Variants in GLB1L2 observed in about 807,000 individuals in gnomAD.
The protein encoded by GLB1L2 is beta-galactosidase-1-like protein 2.
A neutral mutation model predicts 84.1 loss-of-function variants in GLB1L2; 68 were observed. The ratio of observed to expected loss-of-function variants is 0.81; its 90% CI spans 0.67 to 0.99. The LOEUF (loss-of-function observed/expected upper bound fraction) is 0.99, where lower values mean the gene tolerates loss of function less well. Among genes scored for constraint, GLB1L2 ranks in the 50% least tolerant of loss-of-function variants. GLB1L2 has a pLI of 0.00. For synonymous variants in GLB1L2, 290 were observed against 318.0 expected (o/e 0.91, Z 0.94); for missense variants, 762 against 805.6 (o/e 0.95, Z 0.66).
rs925872027 is a variant in GLB1L2, at chr11:134,375,642, C to G, written c.*584C>G. On this transcript the variant is annotated 3_prime_UTR_variant, in exon 19 of 19. Transcript: ENST00000535456. The stretch of plus-strand genomic sequence containing the variant: ...GTGACTTCCCCTTTCCCTTCCCACT[C>G]GCTGCTTCCCACAGGGTGACAGGCT... 6.6e-6 allele frequency: 1 copy of G among 152,478 alleles called. No homozygotes were observed. Among genetic ancestry groups the G allele is most frequent in the Non-Finnish European group, 1.5e-5 (1 of 68,220 alleles). The allele number at this position is 152,478 out of a possible 1,614,324, so 9.4% of individuals were successfully genotyped here.
intron 5 of GLB1L2, among the ~76,000 whole-genome samples, chr11:134,351,097 T>C (rs1314270535): frequency 6.6e-6 from 1 of 152,240 alleles, no homozygotes; most frequent in East Asian, 1.9e-4. Flanking sequence ...AATGCTTGGT[T>C]TGTTCCTGAT....
At position 134,364,718 on chromosome 11, in the gene GLB1L2, A is replaced by G. The variant is rs1204958470; in HGVS notation, c.804+320A>G. The G allele has an allele frequency of 5.0e-5, 16 of 319,154 alleles. No individual in the cohort carries two copies. The South Asian group carries it at 1.1e-3, about 21-fold the overall frequency. 19.8% of individuals were successfully genotyped at this position (319,154 alleles called of 1,614,324 possible). ...GCTCCCAGGGATTGAGGGGGGAAGGAAAAACTTCCCTGTCCTATACTACAC... is the reference window on the plus strand; with the variant it reads ...GCTCCCAGGGATTGAGGGGGGAAGGGAAAACTTCCCTGTCCTATACTACAC... On this transcript the variant is annotated intron_variant, in intron 8 of 18. Coordinates refer to ENST00000535456, the MANE Select transcript of GLB1L2 (RefSeq NM_001370461.1).
At chr11:134,336,416 AG>A (rs1373229101) in intron 1 of GLB1L2, among the ~76,000 whole-genome samples, 1 of 152,212 alleles carries the variant, frequency 6.6e-6, no homozygotes, top group East Asian at 1.9e-4. Flanking sequence ...TGCATATACA[AG>A]AAGATAGCTA....
chr11:134,364,446 A>T (rs762168887), intron 8 of GLB1L2, 48 bp downstream of exon 8: 15 of 1,460,794 alleles, frequency 1.0e-5, no homozygotes, highest in Non-Finnish European at 1.4e-5. Context: ...TCAGCGGCCT[A>T]TGGGAATTCT....
intron 1 of GLB1L2, among the ~76,000 whole-genome samples, chr11:134,336,022 G>A (rs1007895656): frequency 5.3e-5 from 8 of 152,132 alleles, no homozygotes; most frequent in South Asian, 2.1e-4. Context: ...ATTAAAGACC[G>A]TATTGAAAAA....
At chr11:134,365,962 C>T in intron 8 of GLB1L2, among the ~76,000 whole-genome samples, 1 of 152,212 alleles carries the variant, frequency 6.6e-6, no homozygotes, top group African/African-American at 2.4e-5. Context: ...GTGTTATGTG[C>T]ACTCTCCCGT....
At chr11:134,345,583 G>T (rs999206738) in intron 4 of GLB1L2, among the ~76,000 whole-genome samples, 2 of 152,198 alleles carry the variant, frequency 1.3e-5, no homozygotes, top group African/African-American at 4.8e-5. Context: ...CGATTCTCCT[G>T]CCTCAGCCTC....
At chr11:134,351,949 C>T in intron 5 of GLB1L2, among the ~76,000 whole-genome samples, 1 of 152,124 alleles carries the variant, frequency 6.6e-6, no homozygotes, top group East Asian at 1.9e-4. Context: ...TTACTGTATT[C>T]TACCTTATAG....
chr11:134,364,472 T>C, intron 8 of GLB1L2, 74 bp downstream of exon 8: 1 of 1,205,784 alleles, frequency 8.3e-7, no homozygotes, highest in Admixed American at 1.8e-5. Flanking sequence ...CCTGTCAGCG[T>C]GCTCAGCTTC....
chr11:134,332,182 C>A, intron 1 of GLB1L2, 35 bp downstream of exon 1: 1 of 1,413,042 alleles, frequency 7.1e-7, no homozygotes, highest in Admixed American at 2.1e-5. Context: ...CTGCCGGACC[C>A]CACATTCCCC....
In GLB1L2 at chr11:134,338,860, G is replaced by C. The variant is rs746898831; in HGVS notation, c.87-3894G>C. On this transcript the variant is annotated intron_variant, in intron 1 of 18. Transcript: ENST00000535456. This position sits in a 1 kb window ranked among gnomAD's most constrained non-coding sequence, Gnocchi z 6.2. ...GCCTTCCTCCAGGAACCCCACCTTG[G>C]ACCATGACCATGGCCACCCTCTCCA... Among the ~76,000 whole-genome samples the C allele has an allele frequency of 1.3e-5, 2 of 152,268 alleles. No homozygotes were observed. The highest frequency in any genetic ancestry group is 6.8e-3 in the Middle Eastern group (2 of 294).
intron 8 of GLB1L2, 194 bp downstream of exon 8, chr11:134,364,592 G>A (rs12277795): frequency 5.0e-4 from 287 of 579,648 alleles, no homozygotes; most frequent in Middle Eastern, 9.1e-4. Context: ...CTGCTGTGTA[G>A]GCTGATGCAG....
At chr11:134,356,723 C>T (rs1943708018) in intron 6 of GLB1L2, among the ~76,000 whole-genome samples, 1 of 152,210 alleles carries the variant, frequency 6.6e-6, no homozygotes, top group African/African-American at 2.4e-5. Flanking sequence ...CCAGGCTGCA[C>T]ACTGGCTCTA....
At chr11:134,346,695 A>G (rs1420599288) in intron 4 of GLB1L2, 1 of 152,628 alleles carries the variant, frequency 6.6e-6, no homozygotes, top group Non-Finnish European at 1.5e-5. Flanking sequence ...CAGAACCTGA[A>G]GTGAGAAGGA....
intron 1 of GLB1L2, among the ~76,000 whole-genome samples, chr11:134,336,032 A>G (rs1450159476): frequency 6.6e-6 from 1 of 152,178 alleles, no homozygotes; most frequent in Non-Finnish European, 1.5e-5. Flanking sequence ...GTATTGAAAA[A>G]GAGTTCTCAT....
At chr11:134,374,775 A>C in intron 18 of GLB1L2, 57 bp downstream of exon 18, 1 of 1,444,672 alleles carries the variant, frequency 6.9e-7, no homozygotes, top group Non-Finnish European at 9.7e-7. Flanking sequence ...CTGCCGTCCC[A>C]GGGAGCCTTC....
intron 1 of GLB1L2, among the ~76,000 whole-genome samples, chr11:134,332,763 C>G (rs1379223017): frequency 6.6e-6 from 1 of 152,202 alleles, no homozygotes; most frequent in Non-Finnish European, 1.5e-5. Context: ...CTTTCCTCTC[C>G]CCCTTTTCCA....
chr11:134,364,490 C>A, intron 8 of GLB1L2, 92 bp downstream of exon 8: 1 of 1,053,980 alleles, frequency 9.5e-7, no homozygotes, highest in African/African-American at 1.6e-5. Context: ...TTCCCCAGCG[C>A]AGGGAGCTGG....
In GLB1L2 at chr11:134,339,337, G is replaced by A. The variant is rs1030486730; in HGVS notation, c.87-3417G>A. ...ATTAGTATTAATGATCATTATCAGT[G>A]TTAATAGCCATTTACATGATGCTTC... is the stretch of plus-strand genomic sequence containing the variant. On this transcript the variant is annotated intron_variant, in intron 1 of 18. Coordinates refer to ENST00000535456, the MANE Select transcript of GLB1L2 (RefSeq NM_001370461.1). This position sits in a 1 kb window ranked among gnomAD's most constrained non-coding sequence, Gnocchi z 5.7. Among the ~76,000 whole-genome samples the A allele has an allele frequency of 6.6e-6, 1 of 152,166 alleles. No individual in the cohort carries two copies. The highest frequency in any genetic ancestry group is 1.5e-5 in the Non-Finnish European group (1 of 68,040).
Sources: gnomAD v4.1 joint callset for allele counts (sites outside exome capture counted in the v4.1 genomes callset) on GRCh38, gnomAD v4.1.1 for gene constraint, Gnocchi (gnomAD v3.1) non-coding constraint, MANE v1.5 for transcripts, NCBI Gene and HGNC (gene_info 2026-07-23, HGNC 2026-07-21) for gene names.